ELOVL7: variants seen among roughly 807,000 people sequenced by gnomAD.
ELOVL7 encodes the protein ELOVL fatty acid elongase 7.
A neutral mutation model predicts 35.7 loss-of-function variants in ELOVL7; 27 were observed. The observed-to-expected ratio is 0.76, with a 90% CI of 0.56 to 1.04. The LOEUF (loss-of-function observed/expected upper bound fraction) is 1.04. Ranked by LOEUF, ELOVL7 falls within the 50% of genes least tolerant of loss-of-function variation. ELOVL7 has a pLI of 0.00. For synonymous variants in ELOVL7, 113 were observed against 114.6 expected (o/e 0.99, Z 0.09); for missense variants, 327 against 340.8 (o/e 0.96, Z 0.32).
chr5:60,780,606 T>G (rs1743189398), intron 3 of ELOVL7, among the ~76,000 whole-genome samples: 1 of 152,182 alleles, frequency 6.6e-6, no homozygotes, highest in Non-Finnish European at 1.5e-5. Flanking sequence ...GATTGGGTAA[T>G]TTATAAAGCA....
At chr5:60,770,872 G>T (rs1312585897) in intron 4 of ELOVL7, among the ~76,000 whole-genome samples, 1 of 152,056 alleles carries the variant, frequency 6.6e-6, no homozygotes, top group Non-Finnish European at 1.5e-5. Context: ...TAATTTTTTT[G>T]TATTTTTTGT....
At chr5:60,760,015 C>T (rs892219242) in intron 7 of ELOVL7, among the ~76,000 whole-genome samples, 15 of 152,212 alleles carry the variant, frequency 9.9e-5, no homozygotes, top group African/African-American at 2.9e-4. Flanking sequence ...ATATGTGCCA[C>T]ATTTTCCTAA....
At chr5:60,832,304 C>T (rs1440883773) in intron 1 of ELOVL7, among the ~76,000 whole-genome samples, 1 of 152,182 alleles carries the variant, frequency 6.6e-6, no homozygotes, top group African/African-American at 2.4e-5. Context: ...TAGATGGCAA[C>T]TCCTACTTGC....
At chr5:60,806,953 A>C (rs751221935) in intron 1 of ELOVL7, among the ~76,000 whole-genome samples, 2 of 152,240 alleles carry the variant, frequency 1.3e-5, no homozygotes, top group Non-Finnish European at 2.9e-5. Context: ...GAGGCAACCA[A>C]ATAAGGAAGG....
chr5:60,825,325 T>C (rs527981904), intron 1 of ELOVL7, among the ~76,000 whole-genome samples: 2 of 152,312 alleles, frequency 1.3e-5, no homozygotes, highest in South Asian at 4.1e-4. Context: ...TGCCACAGCT[T>C]ACTCCTTCAC....
At chr5:60,840,247 T>C (rs1054485970) in intron 1 of ELOVL7, among the ~76,000 whole-genome samples, 17 of 152,140 alleles carry the variant, frequency 1.1e-4, no homozygotes, top group Admixed American at 7.2e-4. Flanking sequence ...TATTTGGACA[T>C]TGAATTTTTG....
intron 8 of ELOVL7, among the ~76,000 whole-genome samples, chr5:60,755,119 T>C (rs1741459691): frequency 6.6e-6 from 1 of 152,194 alleles, no homozygotes; most frequent in South Asian, 2.1e-4. Flanking sequence ...ACTCAGAGAA[T>C]CAACAGAGCA....
chr5:60,834,837 C>T (rs1443715584), intron 1 of ELOVL7, among the ~76,000 whole-genome samples: 2 of 150,362 alleles, frequency 1.3e-5, no homozygotes, highest in Non-Finnish European at 2.9e-5. Context: ...TATTTAGATA[C>T]TATAAACACT....
intron 8 of ELOVL7, among the ~76,000 whole-genome samples, chr5:60,755,656 C>CA (rs1042391610): frequency 1.4e-3 from 199 of 143,948 alleles, no homozygotes; most frequent in Middle Eastern, 3.7e-3. Context: ...GATTCCATCT[C>CA]AAAAAAAAAA....
chr5:60,839,648 A>C (rs1420701141), intron 1 of ELOVL7, among the ~76,000 whole-genome samples: 1 of 152,198 alleles, frequency 6.6e-6, no homozygotes, highest in Admixed American at 6.5e-5. Context: ...AATTCTGGCT[A>C]TTCTCAGTTT....
intron 6 of ELOVL7, among the ~76,000 whole-genome samples, chr5:60,765,991 G>A (rs945848002): frequency 1.3e-5 from 2 of 152,092 alleles, no homozygotes; most frequent in South Asian, 2.1e-4. Flanking sequence ...TTTGTGACAC[G>A]TGCTTCTCCC....
At chr5:60,815,958 C>T (rs1214983499) in intron 1 of ELOVL7, among the ~76,000 whole-genome samples, 5 of 152,138 alleles carry the variant, frequency 3.3e-5, no homozygotes, top group African/African-American at 7.2e-5. Context: ...TGTGGAATAA[C>T]GCTAGTAATC....
At chr5:60,807,992 C>CAAAAAAAAAAAAAAAAAA (rs34086506) in intron 1 of ELOVL7, among the ~76,000 whole-genome samples, 1 of 42,412 alleles carries the variant, frequency 2.4e-5, no homozygotes, top group Non-Finnish European at 4.4e-5. Flanking sequence ...GACTCCGTCT[C>CAAAAAAAAAAAAAAAAAA]AAAAAAAAAA....
At chr5:60,799,624 G>A (rs1473016306) in intron 1 of ELOVL7, among the ~76,000 whole-genome samples, 3 of 152,120 alleles carry the variant, frequency 2.0e-5, no homozygotes, top group African/African-American at 4.8e-5. Flanking sequence ...ATCATGAAGC[G>A]GGAGAAAATC....
chr5:60,802,696 A>G (rs1744715915), intron 1 of ELOVL7: 2 of 152,210 alleles, frequency 1.3e-5, no homozygotes, highest in South Asian at 4.1e-4. Flanking sequence ...ACTATATCTT[A>G]TATCTTAGTA....
chr5:60,832,954 TCAGGA>T (rs1746574397), intron 1 of ELOVL7, among the ~76,000 whole-genome samples: 1 of 152,198 alleles, frequency 6.6e-6, no homozygotes, highest in South Asian at 2.1e-4. Context: ...TACATGGGCC[TCAGGA>T]CTAGGCACAG....
chr5:60,757,662 T>C lies in ELOVL7; in HGVS notation c.500-17A>G. On this transcript the variant is annotated splice_polypyrimidine_tract_variant and intron_variant, in intron 7 of 8. Coordinates refer to ENST00000508821, the MANE Select transcript of ELOVL7 (RefSeq NM_024930.3). Reference sequence around the variant, plus strand: ...CCAAACCACCTGGAAAATAAAATTATTGTAACATGGGGCCATTGTTCCTTA... The same window carrying C: ...CCAAACCACCTGGAAAATAAAATTACTGTAACATGGGGCCATTGTTCCTTA... The C allele has an allele frequency of 6.5e-7, 1 of 1,540,486 alleles. No individual in the cohort carries two copies. Among genetic ancestry groups the C allele is most frequent in the Non-Finnish European group, 8.8e-7 (1 of 1,132,686 alleles).
intron 1 of ELOVL7, among the ~76,000 whole-genome samples, chr5:60,836,901 T>C (rs1454617395): frequency 2.6e-5 from 4 of 151,898 alleles, no homozygotes; most frequent in Admixed American, 6.6e-5. Context: ...CACAAAACTA[T>C]TGTAAGATAT....
intron 3 of ELOVL7, among the ~76,000 whole-genome samples, chr5:60,778,067 A>T (rs1241900899): frequency 6.6e-6 from 1 of 152,224 alleles, no homozygotes; most frequent in African/African-American, 2.4e-5. Context: ...ATCAGGAAAA[A>T]CTTTGAAATC....
Sources: gnomAD v4.1 joint callset for allele counts (sites outside exome capture counted in the v4.1 genomes callset) on GRCh38, gnomAD v4.1.1 for gene constraint, MANE v1.5 for transcripts, NCBI Gene and HGNC (gene_info 2026-07-23, HGNC 2026-07-21) for gene names.